The following HLF variants were observed in gnomAD, a reference collection of about 807,000 sequenced individuals.
HLF encodes hepatic leukemia factor.
In HLF, 3 loss-of-function variants were observed where a neutral mutation model predicts 22.6. The ratio of observed to expected loss-of-function variants is 0.13; its 90% CI spans 0.06 to 0.34. HLF has a LOEUF of 0.34. Ranked by LOEUF, HLF falls within the 10% of genes least tolerant of loss-of-function variation. HLF has a pLI of 1.00. For synonymous variants in HLF, 151 were observed against 151.8 expected, an observed-to-expected ratio of 0.99 and a Z score of 0.04; for missense variants, 299 against 389.2, an observed-to-expected ratio of 0.77 and a Z score of 1.95.
At chr17:55,299,407 G>GC (rs1159131129) in intron 2 of HLF, among the ~76,000 whole-genome samples, 7 of 151,962 alleles carry the variant, frequency 4.6e-5, no homozygotes, top group Non-Finnish European at 7.4e-5. Flanking sequence ...CGTAACCTAT[G>GC]CCCCACAAAA....
At chr17:55,311,313 A>T (rs1382221522) in intron 2 of HLF, among the ~76,000 whole-genome samples, 3 of 152,102 alleles carry the variant, frequency 2.0e-5, no homozygotes, top group African/African-American at 4.8e-5. Context: ...CTACTAAAAA[A>T]TACAAAACAA....
intron 2 of HLF, among the ~76,000 whole-genome samples, chr17:55,304,731 A>G (rs1904465360): frequency 6.6e-6 from 1 of 152,184 alleles, no homozygotes; most frequent in Non-Finnish European, 1.5e-5. Flanking sequence ...GGAGTGTGAC[A>G]GGAGGGAAGT....
intron 2 of HLF, among the ~76,000 whole-genome samples, chr17:55,286,925 G>A (rs1182123182): frequency 6.6e-6 from 1 of 152,176 alleles, no homozygotes; most frequent in Non-Finnish European, 1.5e-5. Context: ...CTGGGATACA[G>A]CCTCCTGCCA....
chr17:55,299,414 A>G (rs1224243507), intron 2 of HLF, among the ~76,000 whole-genome samples: 1 of 152,158 alleles, frequency 6.6e-6, no homozygotes, highest in Non-Finnish European at 1.5e-5. Flanking sequence ...TATGCCCCAC[A>G]AAACATACAC....
intron 2 of HLF, among the ~76,000 whole-genome samples, chr17:55,269,933 C>T (rs564807719): frequency 6.6e-6 from 1 of 152,264 alleles, no homozygotes; most frequent in East Asian, 1.9e-4. Flanking sequence ...AGGATGTGTA[C>T]CATGTTAGGA....
chr17:55,316,365 G>A (rs748173272), intron 3 of HLF, among the ~76,000 whole-genome samples: 4 of 152,112 alleles, frequency 2.6e-5, no homozygotes, highest in Non-Finnish European at 5.9e-5. Flanking sequence ...CCTAACTATT[G>A]TTCCTATGTA....
chr17:55,276,358 G>A (rs1021928157), intron 2 of HLF, among the ~76,000 whole-genome samples: 10 of 152,164 alleles, frequency 6.6e-5, no homozygotes, highest in East Asian at 1.9e-4. Context: ...GTCAAATGAC[G>A]GGTATATAGA....
intron 2 of HLF, among the ~76,000 whole-genome samples, chr17:55,294,360 G>A (rs1170121282): frequency 6.6e-6 from 1 of 152,202 alleles, no homozygotes; most frequent in African/African-American, 2.4e-5. Context: ...GGATGTGTTG[G>A]GCATCAGCTG....
intron 2 of HLF, among the ~76,000 whole-genome samples, chr17:55,294,238 G>A (rs992273311): frequency 6.6e-6 from 1 of 152,198 alleles, no homozygotes; most frequent in East Asian, 1.9e-4. Context: ...ATGCTGATCT[G>A]CCCCAGTGCA....
At chr17:55,303,570 T>C (rs1255335535) in intron 2 of HLF, among the ~76,000 whole-genome samples, 1 of 152,202 alleles carries the variant, frequency 6.6e-6, no homozygotes, top group Non-Finnish European at 1.5e-5. Flanking sequence ...AAAGCTTTTA[T>C]TTCATGTCAG....
chr17:55,324,598 G>C lies in HLF; in HGVS notation c.*3719G>C, dbSNP rs1905387958. 1 of 232,738 alleles carries C rather than the reference G, an allele frequency of 4.3e-6. No individual in the cohort carries two copies. Among genetic ancestry groups the C allele is most frequent in the Non-Finnish European group, 8.5e-6 (1 of 117,714 alleles). The allele number at this position is 232,738 out of a possible 1,614,324, so 14.4% of individuals were successfully genotyped here. A position where few individuals can be genotyped will look rare whatever the true frequency, so the allele number is the denominator to read the frequency against. On this transcript the variant is annotated 3_prime_UTR_variant, in exon 4 of 4. Coordinates refer to ENST00000226067, the MANE Select transcript of HLF (RefSeq NM_002126.5). ...GCACTGGGGTCTCAGCACCCTGCAG[G>C]TGTCTGAGACTAAGTGATCTGCCCT...
intron 1 of HLF, chr17:55,265,833 C>T: frequency 2.3e-6 from 3 of 1,276,646 alleles, no homozygotes; most frequent in Non-Finnish European, 3.0e-6. Context: ...CTTCGGGCAC[C>T]CGGCCTCCCT....
At chr17:55,309,528 T>C (rs1904734098) in intron 2 of HLF, among the ~76,000 whole-genome samples, 1 of 152,112 alleles carries the variant, frequency 6.6e-6, no homozygotes, top group Non-Finnish European at 1.5e-5. Flanking sequence ...CAGGAAGTCA[T>C]GACAAGTGAA....
intron 2 of HLF, among the ~76,000 whole-genome samples, chr17:55,269,482 G>A (rs1265402957): frequency 6.6e-6 from 1 of 152,200 alleles, no homozygotes; most frequent in Non-Finnish European, 1.5e-5. Flanking sequence ...CAGGAGAGAA[G>A]GGAACAGAGC....
intron 2 of HLF, among the ~76,000 whole-genome samples, chr17:55,281,725 T>A (rs927472978): frequency 2.0e-5 from 3 of 152,368 alleles, no homozygotes; most frequent in Admixed American, 6.5e-5. Context: ...CCCTGGAATT[T>A]AGTCTGTTCC....
At chr17:55,276,868 G>A (rs1196412075) in intron 2 of HLF, among the ~76,000 whole-genome samples, 1 of 152,238 alleles carries the variant, frequency 6.6e-6, no homozygotes, top group African/African-American at 2.4e-5. Flanking sequence ...CTTGACAATA[G>A]TTTCCTCTGG....
At chr17:55,286,368 C>T (rs907589013) in intron 2 of HLF, among the ~76,000 whole-genome samples, 1 of 151,926 alleles carries the variant, frequency 6.6e-6, no homozygotes, top group Non-Finnish European at 1.5e-5. Context: ...TCACTTTTCT[C>T]AGGGGCCAAG....
At chr17:55,267,624 C>G (rs1300419194) in intron 1 of HLF, 127 bp from the exon 2 acceptor site, 2 of 631,704 alleles carry the variant, frequency 3.2e-6, no homozygotes, top group East Asian at 5.8e-5. Context: ...CAAAAGACAG[C>G]AGCCAGAGAA....
rs1285488640 is a variant in HLF at position 55,321,761 on chromosome 17, G to A, written c.*882G>A. On this transcript the variant is annotated 3_prime_UTR_variant, in exon 4 of 4. Transcript: ENST00000226067. ...TATTCCCTAGGACAAGGAAGCAGAG[G>A]GAAATGGGAGGTCTAAGGATGAGGG... 1 of 230,892 alleles carries A rather than the reference G, an allele frequency of 4.3e-6. No homozygotes were observed. Among genetic ancestry groups the A allele is most frequent in the Non-Finnish European group, 8.6e-6 (1 of 116,462 alleles). The allele number at this position is 230,892 out of a possible 1,614,324, so 14.3% of individuals were successfully genotyped here. A position where few individuals can be genotyped will look rare whatever the true frequency, so the allele number is the denominator to read the frequency against.
Sources: gnomAD v4.1 joint callset for allele counts (sites outside exome capture counted in the v4.1 genomes callset) on GRCh38, gnomAD v4.1.1 for gene constraint, MANE v1.5 for transcripts, NCBI Gene and HGNC (gene_info 2026-07-23, HGNC 2026-07-21) for gene names.